The following NR3C1 variants were observed in gnomAD, a reference collection of about 807,000 sequenced individuals.
The protein encoded by NR3C1 is nuclear receptor subfamily 3 group C member 1.
A neutral mutation model predicts 74.0 loss-of-function variants in NR3C1; 14 were observed. The observed-to-expected ratio is 0.19, with a 90% CI of 0.12 to 0.30. NR3C1 has a LOEUF of 0.30. Among genes scored for constraint, NR3C1 ranks in the 10% least tolerant of loss-of-function variants. The pLI, the probability that NR3C1 is intolerant of heterozygous loss-of-function variation, is 1.00. For missense variants in NR3C1, 695 were observed against 909.8 expected, an observed-to-expected ratio of 0.76 and a Z score of 3.04; for synonymous variants, 308 against 332.5, an observed-to-expected ratio of 0.93 and a Z score of 0.80.
chr5:143,347,432 A>AT (rs1181842613), intron 2 of NR3C1, among the ~76,000 whole-genome samples: 2 of 152,118 alleles, frequency 1.3e-5, no homozygotes, highest in Non-Finnish European at 2.9e-5. Flanking sequence ...AATGTTAGTT[A>AT]TTTTTTTACA....
intron 2 of NR3C1, among the ~76,000 whole-genome samples, chr5:143,315,349 G>A (rs1000481975): frequency 1.3e-5 from 2 of 152,084 alleles, no homozygotes; most frequent in Non-Finnish European, 2.9e-5. Flanking sequence ...CCTTCTGCTT[G>A]TAATTAGAGA....
In NR3C1 at chr5:143,310,230, G is replaced by A. The variant is rs1302247594; in HGVS notation, c.1352-17C>T. ...TGTGCTGTCCTATATGGAATAAAAG[G>A]CACTATTAAAGTTTCACAGGTCTTC... is the stretch of plus-strand genomic sequence containing the variant. On this transcript the variant is annotated splice_polypyrimidine_tract_variant and intron_variant, in intron 3 of 8. Coordinates refer to ENST00000394464, the MANE Select transcript of NR3C1 (RefSeq NM_000176.3). 1.3e-6 allele frequency: 2 copies of A among 1,554,502 alleles called. No individual in the cohort carries two copies. The highest frequency in any genetic ancestry group is 1.8e-6 in the Non-Finnish European group (2 of 1,127,764).
chr5:143,289,430 T>C (rs887106410), intron 7 of NR3C1, among the ~76,000 whole-genome samples: 1 of 152,212 alleles, frequency 6.6e-6, no homozygotes, highest in African/African-American at 2.4e-5. Flanking sequence ...CCTTGCATCA[T>C]ATACTTAAGC....
intron 1 of NR3C1, among the ~76,000 whole-genome samples, chr5:143,408,771 C>T (rs1170859660): frequency 6.6e-6 from 1 of 152,118 alleles, no homozygotes; most frequent in Non-Finnish European, 1.5e-5. Flanking sequence ...TTTTGGAGCA[C>T]TTCAAAATTC....
intron 2 of NR3C1, among the ~76,000 whole-genome samples, chr5:143,337,225 G>C (rs1313910609): frequency 6.6e-6 from 1 of 152,002 alleles, no homozygotes; most frequent in Non-Finnish European, 1.5e-5. Flanking sequence ...TACAATACAG[G>C]AACTCCAAAT....
chr5:143,405,466 C>G (rs72557309), upstream of NR3C1: 194 of 617,002 alleles, frequency 3.1e-4, no homozygotes, highest in African/African-American at 3.7e-3. Flanking sequence ...CCCGCGGCCA[C>G]CATCTTGGCA....
At chr5:143,377,333 TAGCC>T (rs1835386066) in intron 2 of NR3C1, among the ~76,000 whole-genome samples, 1 of 152,190 alleles carries the variant, frequency 6.6e-6, no homozygotes, top group Non-Finnish European at 1.5e-5. Flanking sequence ...TGCCTCAGGC[TAGCC>T]TTAGGGCATT....
intron 2 of NR3C1, among the ~76,000 whole-genome samples, chr5:143,343,723 CT>C (rs1041664612): frequency 3.3e-5 from 5 of 152,110 alleles, no homozygotes; most frequent in African/African-American, 1.2e-4. Context: ...TGATACGTAA[CT>C]TTTTAATCTT....
chr5:143,425,811 T>C (rs894045446), intron 1 of NR3C1, among the ~76,000 whole-genome samples: 5 of 152,182 alleles, frequency 3.3e-5, no homozygotes, highest in African/African-American at 9.7e-5. Flanking sequence ...GGAAAACATA[T>C]TGGCAGTTTT....
intron 2 of NR3C1, among the ~76,000 whole-genome samples, chr5:143,336,758 CGTGAGGAGTTCAA>C (rs998561956): frequency 7.0e-4 from 104 of 149,030 alleles, no homozygotes; most frequent in African/African-American, 2.3e-3. Flanking sequence ...GATCACTTGA[CGTGAGGAGTTCAA>C]GTGAGGAGTT....
chr5:143,379,207 T>A (rs1024055548), intron 2 of NR3C1, among the ~76,000 whole-genome samples: 1 of 152,226 alleles, frequency 6.6e-6, no homozygotes, highest in African/African-American at 2.4e-5. Context: ...GAATGGAGTG[T>A]GGGAGCCAGG....
chr5:143,398,663 A>C (rs938078362), intron 2 of NR3C1, among the ~76,000 whole-genome samples: 7 of 152,126 alleles, frequency 4.6e-5, no homozygotes, highest in African/African-American at 1.7e-4. Flanking sequence ...TGTCACTACA[A>C]TCCACATTTT....
chr5:143,294,301 G>T, intron 7 of NR3C1: 2 of 950,346 alleles, frequency 2.1e-6, no homozygotes, highest in Non-Finnish European at 2.5e-6. Flanking sequence ...TATGAAAGAG[G>T]TATTCAGCTA....
intron 4 of NR3C1, among the ~76,000 whole-genome samples, chr5:143,306,105 A>T (rs72801051): frequency 0.1 from 15,669 of 151,306 alleles, 1,147 homozygotes; most frequent in Non-Finnish European, 0.16. Flanking sequence ...CAAGTTTTTT[A>T]AAAAAAAACA....
chr5:143,341,618 T>C (rs931333365), intron 2 of NR3C1, among the ~76,000 whole-genome samples: 2 of 152,242 alleles, frequency 1.3e-5, no homozygotes, highest in Non-Finnish European at 2.9e-5. Context: ...ATGTGTATCA[T>C]ATCCTAATTA....
chr5:143,391,753 G>A (rs746477027), intron 2 of NR3C1, among the ~76,000 whole-genome samples: 2 of 152,056 alleles, frequency 1.3e-5, no homozygotes, highest in Non-Finnish European at 2.9e-5. Context: ...TTAAAATACA[G>A]CAGTCTTTAT....
intron 2 of NR3C1, among the ~76,000 whole-genome samples, chr5:143,336,883 A>T (rs1827223417): frequency 6.6e-6 from 1 of 151,734 alleles, no homozygotes; most frequent in African/African-American, 2.4e-5. Context: ...GGTTGCTGAG[A>T]CAGGGAAAAG....
upstream of NR3C1, chr5:143,403,712 C>G (rs557709176): frequency 8.1e-6 from 8 of 985,184 alleles, no homozygotes; most frequent in Non-Finnish European, 9.6e-6. Context: ...CACTCGCACA[C>G]ACGCGCTCCC....
intron 4 of NR3C1, among the ~76,000 whole-genome samples, chr5:143,306,857 C>CAA (rs1463834664): frequency 6.8e-6 from 1 of 146,034 alleles, no homozygotes; most frequent in Non-Finnish European, 1.5e-5. Flanking sequence ...AAACTGCAGC[C>CAA]TAAATTGTAT....
Sources: allele counts gnomAD v4.1 joint callset (sites outside exome capture counted in the v4.1 genomes callset), GRCh38; gene constraint gnomAD v4.1.1; transcripts MANE v1.5; gene names NCBI Gene and HGNC (gene_info 2026-07-23, HGNC 2026-07-21).